Variants in ALK observed in about 807,000 individuals in gnomAD.
ALK encodes ALK tyrosine kinase receptor.
ALK carries 74 observed loss-of-function variants against 163.1 expected under a neutral mutation model. The ratio of observed to expected loss-of-function variants is 0.45; its 90% CI spans 0.38 to 0.55. The LOEUF (loss-of-function observed/expected upper bound fraction) is 0.55. Among genes scored for constraint, ALK ranks in the 20% least tolerant of loss-of-function variants. The pLI, the probability that ALK is intolerant of heterozygous loss-of-function variation, is 0.00. For synonymous variants in ALK, 960 were observed against 843.2 expected, an observed-to-expected ratio of 1.14 and a Z score of -2.40; for missense variants, 2,063 against 2,105.3, an observed-to-expected ratio of 0.98 and a Z score of 0.39.
chr2:29,775,033 A>AG (rs1681132718), intron 1 of ALK, among the ~76,000 whole-genome samples: 1 of 152,212 alleles, frequency 6.6e-6, no homozygotes. Flanking sequence ...ATAGGGCCTA[A>AG]GGGGAGAAAA....
intron 2 of ALK, among the ~76,000 whole-genome samples, chr2:29,716,970 G>A (rs1265056383): frequency 1.7e-5 from 2 of 118,466 alleles, no homozygotes; most frequent in African/African-American, 6.7e-5. Context: ...CAGTAACACA[G>A]TCAAACCCCG....
At chr2:29,414,208 T>A (rs904031445) in intron 4 of ALK, among the ~76,000 whole-genome samples, 1 of 152,214 alleles carries the variant, frequency 6.6e-6, no homozygotes, top group African/African-American at 2.4e-5. Flanking sequence ...AAATTTTATG[T>A]GGCACGTGAC....
intron 3 of ALK, among the ~76,000 whole-genome samples, chr2:29,636,499 A>T (rs575436013): frequency 5.9e-5 from 9 of 152,278 alleles, no homozygotes; most frequent in African/African-American, 2.2e-4. Context: ...ATAACACTTT[A>T]AAAAAATAGG....
At chr2:29,770,247 T>C (rs1291714205) in intron 1 of ALK, among the ~76,000 whole-genome samples, 4 of 152,198 alleles carry the variant, frequency 2.6e-5, no homozygotes, top group African/African-American at 9.7e-5. Flanking sequence ...ATTGCCAGAA[T>C]CATGGCCACT....
intron 4 of ALK, among the ~76,000 whole-genome samples, chr2:29,415,044 A>G (rs1259946354): frequency 6.6e-6 from 1 of 151,510 alleles, no homozygotes; most frequent in Non-Finnish European, 1.5e-5. Context: ...ACAGATATGC[A>G]GACACCCCAC....
chr2:29,728,528 T>C (rs949652510), intron 1 of ALK, among the ~76,000 whole-genome samples: 1 of 152,204 alleles, frequency 6.6e-6, no homozygotes, highest in Non-Finnish European at 1.5e-5. Flanking sequence ...ATCTTGATGT[T>C]GTTATCCATT....
chr2:29,905,696 A>C (rs1359404004), intron 1 of ALK, among the ~76,000 whole-genome samples: 3 of 152,128 alleles, frequency 2.0e-5, no homozygotes, highest in Non-Finnish European at 2.9e-5. Context: ...AGCCAGCCAC[A>C]GTGAAGCATT....
rs772363561 is a variant in ALK, at chr2:29,251,158, C to G, written c.2151G>C (p.Glu717Asp). The G allele has an allele frequency of 8.1e-6, 13 of 1,614,154 alleles. No homozygotes were observed. The South Asian group carries it at 1.2e-4, about 15-fold the overall frequency. Reference protein sequence around the residue: ...NSNLSVEVGSEGPLKGIQIWK... With the variant: ...NSNLSVEVGSDGPLKGIQIWK... ...AGATCTGGATGCCTTTCAGGGGGCCCTCGCTCCCCACCTCCACGCTCAGGT... is the reference window on the plus strand; with the variant it reads ...AGATCTGGATGCCTTTCAGGGGGCCGTCGCTCCCCACCTCCACGCTCAGGT... The change falls in exon 12 of 29, where the codon GAG becomes GAC. Residue 717 changes from glutamate to aspartate, a missense_variant. Coordinates refer to ENST00000389048, the MANE Select transcript of ALK (RefSeq NM_004304.5).
intron 3 of ALK, among the ~76,000 whole-genome samples, chr2:29,666,915 C>T (rs1677529668): frequency 6.6e-6 from 1 of 152,022 alleles, no homozygotes; most frequent in African/African-American, 2.4e-5. Flanking sequence ...TTTTAAGCTC[C>T]CACATAGAAA....
chr2:29,343,454 ATCC>A (rs1272636805), intron 5 of ALK, among the ~76,000 whole-genome samples: 1 of 151,968 alleles, frequency 6.6e-6, no homozygotes, highest in African/African-American at 2.4e-5. Flanking sequence ...GGCTCAAGCA[ATCC>A]TCCTGCTTTA....
chr2:29,552,086 A>T (rs1673729222), intron 3 of ALK, among the ~76,000 whole-genome samples: 1 of 152,150 alleles, frequency 6.6e-6, no homozygotes, highest in Non-Finnish European at 1.5e-5. Flanking sequence ...CCTATTCTAG[A>T]TACCTTGTAA....
chr2:29,560,328 C>T (rs1406699896), intron 3 of ALK, among the ~76,000 whole-genome samples: 1 of 152,052 alleles, frequency 6.6e-6, no homozygotes, highest in Admixed American at 6.5e-5. Flanking sequence ...AAACACTAGG[C>T]TAAATGAAAG....
At chr2:29,686,713 C>T (rs1321998773) in intron 3 of ALK, among the ~76,000 whole-genome samples, 2 of 152,136 alleles carry the variant, frequency 1.3e-5, no homozygotes, top group Non-Finnish European at 2.9e-5. Flanking sequence ...AGGAGGGGTT[C>T]CTTGTTCACT....
intron 4 of ALK, among the ~76,000 whole-genome samples, chr2:29,447,173 G>A (rs1006417385): frequency 2.0e-5 from 3 of 152,120 alleles, no homozygotes; most frequent in African/African-American, 7.2e-5. Flanking sequence ...CCAGATACCT[G>A]ATGGAGGCAC....
chr2:29,253,844 T>TTGA (rs1481950740), intron 11 of ALK, among the ~76,000 whole-genome samples: 1 of 143,490 alleles, frequency 7.0e-6, no homozygotes, highest in Non-Finnish European at 1.5e-5. Context: ...TATATCTATA[T>TTGA]TAGATAGATA....
chr2:29,774,613 T>C (rs972273090), intron 1 of ALK, among the ~76,000 whole-genome samples: 4 of 152,204 alleles, frequency 2.6e-5, no homozygotes, highest in East Asian at 1.9e-4. Flanking sequence ...TGGGACTCAC[T>C]CAGTTGTTTT....
At chr2:29,427,841 A>C (rs952238861) in intron 4 of ALK, among the ~76,000 whole-genome samples, 5 of 152,122 alleles carry the variant, frequency 3.3e-5, no homozygotes, top group African/African-American at 1.2e-4. Flanking sequence ...TCTTAAATGC[A>C]CAGGAAACTT....
chr2:29,700,499 C>CCTCGG (rs1678701508), intron 2 of ALK, among the ~76,000 whole-genome samples: 1 of 152,034 alleles, frequency 6.6e-6, no homozygotes, highest in African/African-American at 2.4e-5. Context: ...AGCCGAGACC[C>CCTCGG]CACCATTGCA....
At chr2:29,412,258 G>T (rs1298675278) in intron 4 of ALK, among the ~76,000 whole-genome samples, 1 of 152,158 alleles carries the variant, frequency 6.6e-6, no homozygotes, top group East Asian at 1.9e-4. Flanking sequence ...TCTCCAAATA[G>T]CACTTCTCCA....
Sources: allele counts gnomAD v4.1 joint callset (sites outside exome capture counted in the v4.1 genomes callset), GRCh38; gene constraint gnomAD v4.1.1; transcripts MANE v1.5; gene names NCBI Gene and HGNC (gene_info 2026-07-23, HGNC 2026-07-21).